Variants in ARHGEF3 observed in about 807,000 individuals in gnomAD.
ARHGEF3 encodes 59.8 kDA protein.
Under a neutral mutation model 63.2 loss-of-function variants are expected in ARHGEF3, and 28 were observed. The ratio of observed to expected loss-of-function variants is 0.44; its 90% CI spans 0.33 to 0.61. The LOEUF is 0.61. Ranked by LOEUF, ARHGEF3 falls within the 20% of genes least tolerant of loss-of-function variation. The pLI, the probability that ARHGEF3 is intolerant of heterozygous loss-of-function variation, is 0.03. For synonymous variants in ARHGEF3, 266 were observed against 254.2 expected (o/e 1.05, Z -0.44); for missense variants, 533 against 659.3 (o/e 0.81, Z 2.10).
intron 1 of ARHGEF3, among the ~76,000 whole-genome samples, chr3:56,798,696 C>T (rs967321993): frequency 1.7e-4 from 26 of 152,082 alleles, no homozygotes; most frequent in African/African-American, 6.0e-4. Flanking sequence ...TAGACCAGTC[C>T]CTTTTGGCAT....
chr3:57,000,319 C>CACACAT (rs1702143698), intron 2 of ARHGEF3, among the ~76,000 whole-genome samples: 1 of 150,926 alleles, frequency 6.6e-6, no homozygotes, highest in Non-Finnish European at 1.5e-5. Context: ...CCCACACACA[C>CACACAT]ACACACACAC....
At chr3:56,997,357 C>G (rs1312664692) in intron 2 of ARHGEF3, among the ~76,000 whole-genome samples, 1 of 152,210 alleles carries the variant, frequency 6.6e-6, no homozygotes, top group Non-Finnish European at 1.5e-5. Context: ...TTGGTCACTT[C>G]TGCCCAGTCC....
chr3:57,068,873 G>A (rs1220688080), intron 1 of ARHGEF3, among the ~76,000 whole-genome samples: 4 of 151,680 alleles, frequency 2.6e-5, no homozygotes, highest in East Asian at 1.9e-4. Context: ...ATGAACTGCC[G>A]GTTCCAACAA....
chr3:56,828,940 T>A (rs1438473407), intron 4 of ARHGEF3, among the ~76,000 whole-genome samples: 3 of 152,314 alleles, frequency 2.0e-5, no homozygotes, highest in African/African-American at 7.2e-5. Context: ...TATTATTATT[T>A]TTTTGAGACG....
chr3:57,074,314 G>A, intron 1 of ARHGEF3: 2 of 1,551,948 alleles, frequency 1.3e-6, no homozygotes, highest in South Asian at 1.2e-5. Flanking sequence ...CTGTTTGTCT[G>A]GGCCTTTGCA....
At chr3:56,898,868 A>C (rs1014065139) in intron 3 of ARHGEF3, among the ~76,000 whole-genome samples, 1 of 152,136 alleles carries the variant, frequency 6.6e-6, no homozygotes. Context: ...CATCCTGGCT[A>C]ACATGGTGAA....
intron 3 of ARHGEF3, among the ~76,000 whole-genome samples, chr3:56,941,567 A>C (rs920569956): frequency 2.6e-5 from 4 of 152,146 alleles, no homozygotes; most frequent in African/African-American, 9.7e-5. Flanking sequence ...TTTTAATATA[A>C]GCCTCCTGTT....
At chr3:56,923,418 G>A (rs2042202978) in intron 3 of ARHGEF3, among the ~76,000 whole-genome samples, 1 of 151,786 alleles carries the variant, frequency 6.6e-6, no homozygotes, top group South Asian at 2.1e-4. Flanking sequence ...TTTCCTCCTA[G>A]CAAATTGAAA....
intron 3 of ARHGEF3, among the ~76,000 whole-genome samples, chr3:56,924,682 A>G (rs2042234458): frequency 6.6e-6 from 1 of 152,140 alleles, no homozygotes; most frequent in Non-Finnish European, 1.5e-5. Flanking sequence ...GTGGGAGTGT[A>G]GCAGTGAGAA....
chr3:57,050,496 G>C (rs569223168), intron 1 of ARHGEF3, among the ~76,000 whole-genome samples: 2 of 152,170 alleles, frequency 1.3e-5, no homozygotes, highest in African/African-American at 2.4e-5. Context: ...TAAAGAAAGA[G>C]AGAAAGAGAG....
At chr3:56,928,472 T>A (rs1015289860) in intron 3 of ARHGEF3, among the ~76,000 whole-genome samples, 2 of 152,016 alleles carry the variant, frequency 1.3e-5, no homozygotes, top group African/African-American at 4.8e-5. Context: ...TCCCCCTCAT[T>A]ACCTCCCACT....
intron 4 of ARHGEF3, among the ~76,000 whole-genome samples, chr3:56,858,314 A>G (rs2108176295): frequency 6.6e-6 from 1 of 151,252 alleles, no homozygotes; most frequent in African/African-American, 2.4e-5. Flanking sequence ...CATTCACTGT[A>G]TCCACATGCA....
intron 2 of ARHGEF3, among the ~76,000 whole-genome samples, chr3:57,002,891 A>G (rs62253460): frequency 0.14 from 21,621 of 149,284 alleles, 2,015 homozygotes; most frequent in Non-Finnish European, 0.2. Context: ...CTCCTGCCTC[A>G]GCTTCCTGAG....
At chr3:57,039,409 A>G (rs972515144) in intron 1 of ARHGEF3, among the ~76,000 whole-genome samples, 1 of 152,186 alleles carries the variant, frequency 6.6e-6, no homozygotes, top group Non-Finnish European at 1.5e-5. Context: ...TGTCGAGTCA[A>G]CCTGCATTTG....
intron 2 of ARHGEF3, among the ~76,000 whole-genome samples, chr3:56,974,614 GAA>G (rs2106868308): frequency 6.6e-6 from 1 of 152,228 alleles, no homozygotes; most frequent in East Asian, 1.9e-4. Flanking sequence ...AAATGTTTCT[GAA>G]GTGTCCAGAA....
chr3:56,871,028 T>C (rs2040417167), intron 4 of ARHGEF3, among the ~76,000 whole-genome samples: 1 of 152,174 alleles, frequency 6.6e-6, no homozygotes, highest in African/African-American at 2.4e-5. Context: ...TATATTTATC[T>C]ATCTATCTAA....
In ARHGEF3 at chr3:56,844,911, T is replaced by C. The variant is rs530254601; in HGVS notation, c.192+37381A>G. Among the ~76,000 whole-genome samples the C allele has an allele frequency of 4.9e-4, 75 of 152,336 alleles. No individual in the cohort carries two copies. The South Asian group carries it at 0.014, about 29-fold the overall frequency. ...TCTAGCCATATAGAACATGGCAAGA[T>C]GACAGGATGCACATGATTATGTATT... On this transcript the variant is annotated intron_variant, in intron 4 of 12. Coordinates refer to the ARHGEF3 transcript ENST00000338458.
intron 4 of ARHGEF3, among the ~76,000 whole-genome samples, chr3:56,841,981 G>A (rs947569541): frequency 2.0e-5 from 3 of 152,022 alleles, no homozygotes; most frequent in African/African-American, 4.8e-5. Flanking sequence ...CATTTTGTAG[G>A]TACTACACAT....
At chr3:56,917,560 T>G (rs1475690361) in intron 3 of ARHGEF3, among the ~76,000 whole-genome samples, 1 of 152,170 alleles carries the variant, frequency 6.6e-6, no homozygotes, top group Non-Finnish European at 1.5e-5. Context: ...AAGCAGGCTC[T>G]TTCCATTCAC....
Sources: allele counts gnomAD v4.1 joint callset (sites outside exome capture counted in the v4.1 genomes callset), GRCh38; gene constraint gnomAD v4.1.1; transcripts MANE v1.5; gene names NCBI Gene and HGNC (gene_info 2026-07-23, HGNC 2026-07-21).